Variants in DCLK1 observed in about 807,000 individuals in gnomAD.
DCLK1 encodes the protein doublecortin like kinase 1.
Under a neutral mutation model 86.2 loss-of-function variants are expected in DCLK1, and 16 were observed. That is an observed-to-expected ratio of 0.19 (90% CI 0.13 to 0.28). The LOEUF (loss-of-function observed/expected upper bound fraction) is 0.28. Ranked by LOEUF, DCLK1 falls within the 10% of genes least tolerant of loss-of-function variation. DCLK1 has a pLI of 1.00. For missense variants in DCLK1, 590 were observed against 940.2 expected, an observed-to-expected ratio of 0.63 and a Z score of 4.87; for synonymous variants, 369 against 370.5, an observed-to-expected ratio of 1.00 and a Z score of 0.05.
intron 4 of DCLK1, among the ~76,000 whole-genome samples, chr13:35,914,329 AAAAATATATATATATATATACATATAT>A (rs1246880458): frequency 1.9e-4 from 7 of 37,148 alleles, no homozygotes; most frequent in East Asian, 2.0e-3. Flanking sequence ...CAGAAAAAAA[AAAAATATATATATATATATACATATAT>A]ATATATATAT....
intron 3 of DCLK1, among the ~76,000 whole-genome samples, chr13:35,988,290 C>G (rs978082204): frequency 1.3e-5 from 2 of 152,220 alleles, no homozygotes; most frequent in Non-Finnish European, 2.9e-5. Flanking sequence ...CACGCCCAGG[C>G]TGTTGGCGAC....
chr13:36,095,037 GC>G (rs1884956041), intron 3 of DCLK1, among the ~76,000 whole-genome samples: 1 of 152,114 alleles, frequency 6.6e-6, no homozygotes, highest in African/African-American at 2.4e-5. Context: ...GCAAACCCAT[GC>G]CCAGTTGAAC....
chr13:36,025,436 T>C (rs542796577), intron 3 of DCLK1, among the ~76,000 whole-genome samples: 119 of 152,352 alleles, frequency 7.8e-4, no homozygotes, highest in African/African-American at 2.8e-3. Context: ...TGAATGCTCA[T>C]GGTTAGCATA....
rs532654113 is a variant in DCLK1 at position 36,044,863 on chromosome 13, T to A, written c.723+67006A>T. Among the ~76,000 whole-genome samples the A allele has an allele frequency of 1.3e-4, 20 of 152,174 alleles. No homozygotes were observed. The South Asian group carries it at 3.9e-3, about 30-fold the overall frequency. On this transcript the variant is annotated intron_variant, in intron 3 of 16. Coordinates refer to ENST00000360631, the MANE Select transcript of DCLK1 (RefSeq NM_001330071.2). The stretch of plus-strand genomic sequence containing the variant: ...AACGTGGAGGTAAATACCCAAGATA[T>A]TTTTGAGAAAATGGAAGTCTAGGGA...
At chr13:35,905,231 T>C (rs1411022032) in intron 4 of DCLK1, among the ~76,000 whole-genome samples, 1 of 152,208 alleles carries the variant, frequency 6.6e-6, no homozygotes, top group East Asian at 1.9e-4. Flanking sequence ...CAGCCAGCCA[T>C]TGCCATTGGA....
At chr13:35,821,509 A>G (rs993971835) in intron 11 of DCLK1, among the ~76,000 whole-genome samples, 8 of 152,122 alleles carry the variant, frequency 5.3e-5, no homozygotes, top group Middle Eastern at 3.4e-3. Flanking sequence ...GAGTCTTTAG[A>G]CCACCCTGCA....
chr13:36,127,222 A>G (rs764984253), intron 1 of DCLK1, among the ~76,000 whole-genome samples: 4 of 152,238 alleles, frequency 2.6e-5, no homozygotes, highest in Non-Finnish European at 4.4e-5. Flanking sequence ...CACACATTCA[A>G]TATTTTTAAA....
chr13:35,814,993 T>G (rs1174723602), intron 11 of DCLK1, among the ~76,000 whole-genome samples: 1 of 152,158 alleles, frequency 6.6e-6, no homozygotes, highest in Non-Finnish European at 1.5e-5. Flanking sequence ...AGACTAAATG[T>G]GTTAAATGGC....
intron 3 of DCLK1, among the ~76,000 whole-genome samples, chr13:36,012,051 C>A (rs563823718): frequency 7.0e-6 from 1 of 142,598 alleles, no homozygotes; most frequent in East Asian, 2.0e-4. Context: ...GATTGCAACC[C>A]CTGCCTTTTT....
intron 3 of DCLK1, among the ~76,000 whole-genome samples, chr13:36,079,489 G>C (rs146518749): frequency 6.6e-6 from 1 of 151,942 alleles, no homozygotes; most frequent in Admixed American, 6.6e-5. Context: ...AAAATTAGCC[G>C]GGCATGGTGG....
chr13:35,967,267 G>C (rs1429301320), intron 3 of DCLK1, among the ~76,000 whole-genome samples: 3 of 151,514 alleles, frequency 2.0e-5, no homozygotes, highest in African/African-American at 7.3e-5. Flanking sequence ...CCTCTGCCCG[G>C]CCGCCCCGTC....
chr13:35,775,299 C>T (rs978359227), intron 16 of DCLK1, among the ~76,000 whole-genome samples: 3 of 152,200 alleles, frequency 2.0e-5, no homozygotes, highest in African/African-American at 7.2e-5. Flanking sequence ...TTGAACACTG[C>T]TTTGAATGCA....
chr13:35,929,408 C>T (rs148520682), intron 4 of DCLK1, among the ~76,000 whole-genome samples: 5 of 152,310 alleles, frequency 3.3e-5, no homozygotes, highest in South Asian at 4.1e-4. Context: ...TTTATAACCT[C>T]GGTTCTCAAT....
At position 35,839,084 on chromosome 13, in the gene DCLK1, C is replaced by G. The variant is rs1191310118; in HGVS notation, c.1120+8G>C. Reference sequence around the variant, plus strand: ...GCCTCCTCAGATACCAAGTCCCAAGCTCATCACCTTCTCCAGGGCCATCGT... The same window carrying G: ...GCCTCCTCAGATACCAAGTCCCAAGGTCATCACCTTCTCCAGGGCCATCGT... On this transcript the variant is annotated splice_region_variant and intron_variant, in intron 7 of 16. Coordinates refer to ENST00000360631, the MANE Select transcript of DCLK1 (RefSeq NM_001330071.2). The G allele has an allele frequency of 6.3e-7, 1 of 1,593,826 alleles. No homozygotes were observed. Among genetic ancestry groups the G allele is most frequent in the South Asian group, 1.1e-5 (1 of 87,066 alleles).
chr13:36,094,483 C>G (rs1209263463), intron 3 of DCLK1, among the ~76,000 whole-genome samples: 3 of 152,106 alleles, frequency 2.0e-5, no homozygotes, highest in African/African-American at 7.2e-5. Flanking sequence ...GTTATTAAAC[C>G]AACTCAGAAA....
chr13:35,980,677 G>A (rs577165315), intron 3 of DCLK1, among the ~76,000 whole-genome samples: 51 of 152,158 alleles, frequency 3.4e-4, no homozygotes, highest in African/African-American at 4.1e-4. Context: ...GGATGGTTTC[G>A]TGATGAAATC....
At chr13:35,919,400 T>A (rs1423597243) in intron 4 of DCLK1, among the ~76,000 whole-genome samples, 1 of 152,162 alleles carries the variant, frequency 6.6e-6, no homozygotes, top group African/African-American at 2.4e-5. Context: ...CACAAACCCT[T>A]GCATCCAGTG....
chr13:35,901,302 C>T (rs748245555), intron 4 of DCLK1, among the ~76,000 whole-genome samples: 1 of 151,834 alleles, frequency 6.6e-6, no homozygotes, highest in African/African-American at 2.4e-5. Flanking sequence ...GCCTGGCCAA[C>T]ATGGTGAAAT....
chr13:35,792,740 T>C (rs988660180), intron 16 of DCLK1, among the ~76,000 whole-genome samples: 1 of 152,222 alleles, frequency 6.6e-6, no homozygotes, highest in Admixed American at 6.5e-5. Context: ...TTGCATGTAG[T>C]GTATGTCTGC....
Sources: allele counts gnomAD v4.1 joint callset (sites outside exome capture counted in the v4.1 genomes callset), GRCh38; gene constraint gnomAD v4.1.1; transcripts MANE v1.5; gene names NCBI Gene and HGNC (gene_info 2026-07-23, HGNC 2026-07-21).